The following PLB1 variants were observed in gnomAD, a reference collection of about 807,000 sequenced individuals.
The protein encoded by PLB1 is phospholipase B1, membrane-associated.
In PLB1, 242 loss-of-function variants were observed where a neutral mutation model predicts 227.4. The ratio of observed to expected loss-of-function variants is 1.06; its 90% CI spans 0.96 to 1.18. The LOEUF is 1.18. PLB1 is among the 50% of genes most tolerant of loss of function. The probability of loss-of-function intolerance (pLI) is 0.00; values close to 1 mark genes in which losing one functional copy is unlikely to be tolerated. For synonymous variants in PLB1, 757 were observed against 682.2 expected, an observed-to-expected ratio of 1.11 and a Z score of -1.71; for missense variants, 1,858 against 1,816.3, an observed-to-expected ratio of 1.02 and a Z score of -0.42.
rs375562387 is a variant in PLB1 at position 28,613,997 on chromosome 2, A to T, written c.3130-34A>T. 3.2e-6 allele frequency: 5 copies of T among 1,564,992 alleles called. No individual in the cohort carries two copies. The African/African-American group carries it at 6.8e-5, about 21-fold the overall frequency. ...TTCTCAAGCAAACTTCAGTGCTGTC[A>T]GATAACTTCTCCATGTGTTTTTTTT... On this transcript the variant is annotated intron_variant, in intron 43 of 57. Transcript: ENST00000327757.
At chr2:28,612,502 C>T (rs1430046023) in intron 43 of PLB1, among the ~76,000 whole-genome samples, 1 of 151,970 alleles carries the variant, frequency 6.6e-6, no homozygotes, top group Non-Finnish European at 1.5e-5. Context: ...TAAAGTGGGG[C>T]ATTTGGGGGT....
intron 23 of PLB1, among the ~76,000 whole-genome samples, chr2:28,581,032 G>T (rs1281160556): frequency 6.6e-6 from 1 of 152,138 alleles, no homozygotes; most frequent in Non-Finnish European, 1.5e-5. Context: ...GGTAGCCCGT[G>T]GGGAGGTGGG....
chr2:28,531,404 C>T (rs530396425), intron 8 of PLB1, among the ~76,000 whole-genome samples: 79 of 152,238 alleles, frequency 5.2e-4, no homozygotes, highest in Middle Eastern at 3.4e-3. Flanking sequence ...TTCCACCTCC[C>T]GGGTTCAAGT....
At chr2:28,525,555 G>A (rs1231249788) in intron 5 of PLB1, among the ~76,000 whole-genome samples, 1 of 152,080 alleles carries the variant, frequency 6.6e-6, no homozygotes, top group Non-Finnish European at 1.5e-5. Flanking sequence ...GGCTAATAGA[G>A]GGAGTGCTTA....
At chr2:28,590,193 C>A in intron 29 of PLB1, 117 bp downstream of exon 29, 2 of 869,748 alleles carry the variant, frequency 2.3e-6, no homozygotes, top group South Asian at 1.5e-5. Context: ...ATTTTATACT[C>A]CAGGGTTAAC....
rs1250200855 is a variant in PLB1, at chr2:28,601,347, G to C, written c.2607+15G>C. The C allele has an allele frequency of 6.2e-7, 1 of 1,610,240 alleles. No homozygotes were observed. The highest frequency in any genetic ancestry group is 8.5e-7 in the Non-Finnish European group (1 of 1,176,844). The stretch of plus-strand genomic sequence containing the variant: ...GCACAGATTCGGTAATTGGGGCCAG[G>C]TCCAGGCCTACTTGTTGTTCCTAAC... On this transcript the variant is annotated intron_variant, in intron 37 of 57. Coordinates refer to ENST00000327757, the MANE Select transcript of PLB1 (RefSeq NM_153021.5).
chr2:28,591,822 GTCCTCTGACCTGAC>G lies in PLB1; in HGVS notation c.2188+64_2188+77del, dbSNP rs1191812524. 4.3e-5 allele frequency: 65 copies of G among 1,517,036 alleles called. 1 individual carries two copies. In the East Asian group the frequency reaches 8.1e-4, roughly 19 times the overall value. 94.0% of individuals were successfully genotyped at this position (1,517,036 alleles called of 1,614,324 possible). A position where few individuals can be genotyped will look rare whatever the true frequency, so the allele number is the denominator to read the frequency against. ...TCCACAGGGGCTGCTATGCTGGTGA[GTCCTCTGACCTGAC>G]TTTCACACTCACTAAATGGCACAGT... On this transcript the variant is annotated intron_variant, in intron 31 of 57. Transcript: ENST00000327757.
intron 10 of PLB1, 57 bp from the exon 11 acceptor site, chr2:28,539,041 GC>G: frequency 2.8e-6 from 4 of 1,419,168 alleles, no homozygotes; most frequent in Non-Finnish European, 4.0e-6. Flanking sequence ...GTTCCAGAAA[GC>G]CCGGCAGCCA....
intron 4 of PLB1, among the ~76,000 whole-genome samples, chr2:28,522,837 A>C (rs1572729454): frequency 6.6e-6 from 1 of 152,294 alleles, no homozygotes; most frequent in South Asian, 2.1e-4. Context: ...AATTCCTTGC[A>C]AGCCTTCTTC....
intron 14 of PLB1, among the ~76,000 whole-genome samples, chr2:28,547,373 C>T (rs11127165): frequency 0.37 from 56,217 of 151,928 alleles, 11,112 homozygotes; most frequent in South Asian, 0.48. Flanking sequence ...CAGAAAGAAG[C>T]GTGGAGTCCA....
chr2:28,614,042 C>A lies in PLB1; in HGVS notation c.3141C>A (p.Phe1047Leu). Reference protein sequence around the residue: ...PITCPTQNEPFLRTPRNSNYT... With the variant: ...PITCPTQNEPLLRTPRNSNYT... ...TTTTTTTCTCTTAGAATGAGCCCTT[C>A]CTGAGAACCCCTCGGAATAGTAACT... Residue 1047 changes from phenylalanine to leucine, a missense_variant, in exon 44 of 58, where the codon TTC becomes TTA. Phe to Leu is a conservative substitution (Grantham distance 22). Transcript: ENST00000327757. 6.2e-7 allele frequency: 1 copy of A among 1,612,614 alleles called. No homozygotes were observed. The highest frequency in any genetic ancestry group is 8.5e-7 in the Non-Finnish European group (1 of 1,178,818).
chr2:28,643,724 C>T lies in PLB1; in HGVS notation c.*663C>T, dbSNP rs1198556059. The T allele has an allele frequency of 6.6e-6, 1 of 152,188 alleles. No homozygotes were observed. The allele number at this position is 152,188 out of a possible 1,614,324, so 9.4% of individuals were successfully genotyped here. A position where few individuals can be genotyped will look rare whatever the true frequency, so the allele number is the denominator to read the frequency against. ...AGAAAGGGTTCTTCGGGGAAAGTTT[C>T]TTGGGGGAGAGCAACCTTCACATGT... is the stretch of plus-strand genomic sequence containing the variant. On this transcript the variant is annotated 3_prime_UTR_variant, in exon 58 of 58. Transcript: ENST00000327757.
Position 28,602,908 on chromosome 2 carries a change from G to A in PLB1, c.2761G>A (p.Val921Met), listed in dbSNP as rs1558890297. The A allele has an allele frequency of 1.2e-6, 2 of 1,614,040 alleles. No individual in the cohort carries two copies. Among genetic ancestry groups the A allele is most frequent in the Non-Finnish European group, 1.7e-6 (2 of 1,180,002 alleles). The change falls in exon 39 of 58, where the codon GTG (valine) becomes ATG (methionine). Residue 921 changes from valine (V) to methionine (M), a missense_variant. Physicochemically the swap from Val to Met is conservative, Grantham distance 21. Transcript: ENST00000327757. ...VFLGNPDKCP[V>M]QQASVLCNCV... ...CCTGGGAAACCCAGACAAGTGCCCA[G>A]TGCAGCAGGCCAGGTAGGCAGGTCC...
At chr2:28,640,713 G>A (rs982877048) in intron 56 of PLB1, among the ~76,000 whole-genome samples, 5 of 152,138 alleles carry the variant, frequency 3.3e-5, no homozygotes, top group Non-Finnish European at 5.9e-5. Context: ...CTGCCCTGCC[G>A]ACAGATGCTG....
chr2:28,584,040 G>C (rs1680504327), intron 25 of PLB1, among the ~76,000 whole-genome samples: 1 of 152,082 alleles, frequency 6.6e-6, no homozygotes, highest in African/African-American at 2.4e-5. Flanking sequence ...CACTGAGACT[G>C]TGCTCCCCTA....
intron 26 of PLB1, among the ~76,000 whole-genome samples, chr2:28,588,398 C>T (rs1681282682): frequency 6.6e-6 from 1 of 152,220 alleles, no homozygotes; most frequent in Non-Finnish European, 1.5e-5. Flanking sequence ...AGACGACCTT[C>T]TCTCCTTTCC....
At chr2:28,568,568 T>C (rs1422258278) in intron 20 of PLB1, among the ~76,000 whole-genome samples, 1 of 152,220 alleles carries the variant, frequency 6.6e-6, no homozygotes, top group Non-Finnish European at 1.5e-5. Context: ...AGAATCCCCG[T>C]TCAACCCCCT....
chr2:28,595,498 CT>C (rs1168030831), intron 33 of PLB1: 1 of 152,158 alleles, frequency 6.6e-6, no homozygotes, highest in African/African-American at 2.4e-5. Context: ...TTACCATAAC[CT>C]TCCTTTGGGG....
At chr2:28,632,603 A>T (rs759259436) in intron 55 of PLB1, among the ~76,000 whole-genome samples, 8 of 152,058 alleles carry the variant, frequency 5.3e-5, no homozygotes, top group Non-Finnish European at 8.8e-5. Context: ...CCTGGCCAAC[A>T]TGGTGAAACC....
Sources: allele counts gnomAD v4.1 joint callset (sites outside exome capture counted in the v4.1 genomes callset), GRCh38; gene constraint gnomAD v4.1.1; transcripts MANE v1.5; gene names NCBI Gene and HGNC (gene_info 2026-07-23, HGNC 2026-07-21).